The following WBP2NL variants were observed in gnomAD, a reference collection of about 807,000 sequenced individuals.
WBP2NL encodes postacrosomal sheath WW domain-binding protein.
Under a neutral mutation model 23.3 loss-of-function variants are expected in WBP2NL, and 27 were observed. That is an observed-to-expected ratio of 1.16 (90% CI 0.85 to 1.60). The LOEUF is 1.60. WBP2NL is among the 40% of genes most tolerant of loss of function. The pLI, the probability that WBP2NL is intolerant of heterozygous loss-of-function variation, is 0.00. For missense variants in WBP2NL, 370 were observed against 389.5 expected (o/e 0.95, Z 0.42); for synonymous variants, 151 against 145.9 (o/e 1.03, Z -0.25).
downstream of WBP2NL, among the ~76,000 whole-genome samples, chr22:42,036,196 A>G (rs1925174727): frequency 6.6e-6 from 1 of 151,482 alleles, no homozygotes. Context: ...TTTCTTTGAG[A>G]CCAAGTCTCG....
intron 1 of WBP2NL, chr22:42,001,157 A>G (rs530531449): frequency 2.3e-6 from 2 of 879,004 alleles, no homozygotes; most frequent in South Asian, 2.6e-5. Flanking sequence ...ACCCTTGAAA[A>G]CAGCTTTGCT....
chr22:42,019,983 G>A (rs1923730975), intron 3 of WBP2NL, 21 bp from the exon 4 acceptor site: 1 of 1,611,170 alleles, frequency 6.2e-7, no homozygotes, highest in East Asian at 2.2e-5. Flanking sequence ...CTTGGTGAGT[G>A]TGTGCCATTT....
chr22:42,031,580 A>G (rs1924949529), downstream of WBP2NL: 2 of 152,150 alleles, frequency 1.3e-5, no homozygotes, highest in Non-Finnish European at 2.9e-5. Context: ...TGAGCCTCCA[A>G]ATACTCCTTT....
In WBP2NL at chr22:42,019,315, T is replaced by C. The variant is rs1200395882; in HGVS notation, c.67T>C (p.Leu23=). 1 of 1,613,964 alleles carries C rather than the reference T, an allele frequency of 6.2e-7. No homozygotes were observed. The highest frequency in any genetic ancestry group is 8.5e-7 in the Non-Finnish European group (1 of 1,179,926). ...TCTGTTCCTCATTTTCTACAGTCTC[T>C]TGAAGCGGTCTCCGAATGTGGAGCT... is the stretch of plus-strand genomic sequence containing the variant. ...GALIPNGESL[L]KRSPNVELSF... is the part of the protein sequence containing the mutation. The change falls in exon 2 of 6, where the codon TTG becomes CTG. Residue 23 remains leucine, a synonymous_variant. Coordinates refer to ENST00000328823, the MANE Select transcript of WBP2NL (RefSeq NM_152613.3).
chr22:42,053,913 A>ACTTC (rs1925933108), intron 8 of WBP2NL, among the ~76,000 whole-genome samples: 1 of 152,166 alleles, frequency 6.6e-6, no homozygotes, highest in South Asian at 2.1e-4. Flanking sequence ...TATATGATTT[A>ACTTC]CAAATGCTGC....
downstream of WBP2NL, among the ~76,000 whole-genome samples, chr22:42,034,661 A>G (rs1277739616): frequency 6.6e-6 from 1 of 152,026 alleles, no homozygotes; most frequent in African/African-American, 2.4e-5. Flanking sequence ...GCTATGGGAG[A>G]CTGGAGTTTA....
At chr22:42,052,914 A>G (rs1281783415) in intron 8 of WBP2NL, among the ~76,000 whole-genome samples, 2 of 152,260 alleles carry the variant, frequency 1.3e-5, no homozygotes, top group Non-Finnish European at 2.9e-5. Flanking sequence ...GTACAGAAAG[A>G]TAGGCAACCG....
chr22:41,998,979 C>CT, intron 1 of WBP2NL, 99 bp downstream of exon 1: 2 of 1,368,650 alleles, frequency 1.5e-6, no homozygotes, highest in Middle Eastern at 2.1e-4. Context: ...ACTTTGCCGC[C>CT]TTTTTTGGGC....
At chr22:42,046,548 A>G (rs537021876) in intron 8 of WBP2NL, among the ~76,000 whole-genome samples, 26 of 152,348 alleles carry the variant, frequency 1.7e-4, no homozygotes, top group Admixed American at 4.6e-4. Context: ...TTTTTGTCAC[A>G]TCATTTTTAG....
chr22:42,022,221 T>G (rs1924045334), intron 4 of WBP2NL, 28 bp from the exon 5 acceptor site: 1 of 1,586,968 alleles, frequency 6.3e-7, no homozygotes, highest in African/African-American at 1.3e-5. Flanking sequence ...TTAAAAGAGT[T>G]CCTATTTTGC....
intron 1 of WBP2NL, among the ~76,000 whole-genome samples, chr22:42,010,835 G>A (rs1029422516): frequency 6.6e-6 from 1 of 152,196 alleles, no homozygotes; most frequent in Non-Finnish European, 1.5e-5. Context: ...ACCACGCCTG[G>A]CCAAAAATAT....
chr22:42,032,542 G>A (rs1925015787), downstream of WBP2NL: 2 of 256,776 alleles, frequency 7.8e-6, no homozygotes, highest in South Asian at 4.4e-5. Flanking sequence ...CTAGCACTTG[G>A]TTGCTTGCTT....
At chr22:42,020,405 T>C (rs1377501928) in intron 4 of WBP2NL, among the ~76,000 whole-genome samples, 3 of 152,136 alleles carry the variant, frequency 2.0e-5, no homozygotes, top group African/African-American at 7.2e-5. Flanking sequence ...TTTGCTGGCC[T>C]TTGTGGCCAG....
At chr22:42,013,905 G>A (rs1249638840) in intron 1 of WBP2NL, among the ~76,000 whole-genome samples, 3 of 151,138 alleles carry the variant, frequency 2.0e-5, no homozygotes, top group South Asian at 2.1e-4. Flanking sequence ...CTCAGCCTCC[G>A]GAGTAGCTGG....
At chr22:42,009,783 C>A (rs1413197305) in intron 1 of WBP2NL, among the ~76,000 whole-genome samples, 1 of 152,044 alleles carries the variant, frequency 6.6e-6, no homozygotes, top group Non-Finnish European at 1.5e-5. Context: ...AATTATTTGG[C>A]TTTTTGGGGT....
intron 4 of WBP2NL, 51 bp from the exon 5 acceptor site, chr22:42,022,198 A>G (rs1381589286): frequency 7.1e-7 from 1 of 1,414,112 alleles, no homozygotes; most frequent in Non-Finnish European, 1.0e-6. Flanking sequence ...TATCTGCTAT[A>G]TATCTGACTT....
At position 42,027,644 on chromosome 22, in the gene WBP2NL, G is replaced by A; in HGVS notation, c.*463G>A. 3.6e-6 allele frequency: 1 copy of A among 279,830 alleles called. No individual in the cohort carries two copies. The highest frequency in any genetic ancestry group is 4.8e-5 in the Admixed American group (1 of 20,982). The allele number at this position is 279,830 out of a possible 1,614,324, so 17.3% of individuals were successfully genotyped here. ...TAAATTACGGTGGATCCACAAAATG[G>A]AGTATTATACACCTGTTGAAAACTA... On this transcript the variant is annotated 3_prime_UTR_variant, in exon 6 of 6. Coordinates refer to ENST00000328823, the MANE Select transcript of WBP2NL (RefSeq NM_152613.3).
At chr22:42,018,818 G>A (rs1923588480) in intron 1 of WBP2NL, among the ~76,000 whole-genome samples, 1 of 151,230 alleles carries the variant, frequency 6.6e-6, no homozygotes, top group Admixed American at 6.6e-5. Context: ...AATTGTCAGA[G>A]AATAAGATCA....
At chr22:42,036,156 G>A (rs1367905319), downstream of WBP2NL, among the ~76,000 whole-genome samples, 8 of 152,040 alleles carry the variant, frequency 5.3e-5, no homozygotes, top group Admixed American at 4.6e-4. Context: ...TATCCTATAG[G>A]ATTGTTTGAT....
Sources: allele counts gnomAD v4.1 joint callset (sites outside exome capture counted in the v4.1 genomes callset), GRCh38; gene constraint gnomAD v4.1.1; transcripts MANE v1.5; gene names NCBI Gene and HGNC (gene_info 2026-07-23, HGNC 2026-07-21).